Variants in SESN1 observed in about 807,000 individuals in gnomAD.
SESN1 encodes the protein sestrin-1.
In SESN1, 30 loss-of-function variants were observed where a neutral mutation model predicts 59.3. The ratio of observed to expected loss-of-function variants is 0.51; its 90% CI spans 0.38 to 0.69. The LOEUF is 0.69. Ranked by LOEUF, SESN1 falls within the 30% of genes least tolerant of loss-of-function variation. The pLI is 0.00. For synonymous variants in SESN1, 197 were observed against 219.9 expected, an observed-to-expected ratio of 0.90 and a Z score of 0.92; for missense variants, 566 against 673.0, an observed-to-expected ratio of 0.84 and a Z score of 1.76.
At chr6:109,084,092 ATT>A (rs1296829088) in intron 1 of SESN1, among the ~76,000 whole-genome samples, 5 of 152,330 alleles carry the variant, frequency 3.3e-5, no homozygotes, top group Admixed American at 1.3e-4. Context: ...AGGCATATAT[ATT>A]TGTCAGTTTG....
intron 1 of SESN1, among the ~76,000 whole-genome samples, chr6:109,020,966 T>C (rs11755471): frequency 0.1 from 15,522 of 152,228 alleles, 934 homozygotes; most frequent in Middle Eastern, 0.19. Flanking sequence ...TCATTATCAT[T>C]AATAATCTCC....
Position 108,984,746 on chromosome 6 carries a change from G to C in SESN1, c.*2798C>G, listed in dbSNP as rs1779138157. Among the ~76,000 whole-genome samples, 1 of 152,144 alleles carries C rather than the reference G, an allele frequency of 6.6e-6. No homozygotes were observed. The highest frequency in any genetic ancestry group is 2.4e-5 in the African/African-American group (1 of 41,432). On this transcript the variant is annotated 3_prime_UTR_variant, in exon 10 of 10. Transcript: ENST00000436639. ...ATAGAAATACAACTGATTTTTGTGT[G>C]CTGACTTTGTATCCTACAACTTTGC...
At chr6:109,022,198 T>C (rs1642225278) in intron 1 of SESN1, among the ~76,000 whole-genome samples, 1 of 152,138 alleles carries the variant, frequency 6.6e-6, no homozygotes, top group African/African-American at 2.4e-5. Context: ...GAATGAAGAA[T>C]GCCTTAAGCT....
At chr6:108,997,487 A>G (rs927014270) in intron 5 of SESN1, among the ~76,000 whole-genome samples, 1 of 152,174 alleles carries the variant, frequency 6.6e-6, no homozygotes, top group Non-Finnish European at 1.5e-5. Flanking sequence ...CCTTGGGAAA[A>G]TTATTCTTTC....
Position 108,998,686 on chromosome 6 carries a change from G to A in SESN1, c.799C>T (p.His267Tyr). ...ELVHAVVLLT[H>Y]YHSLASFTFG... ...GTGAATGAGGCAAGAGAATGATAGT[G>A]TGTGAGTAAAACTACTGCATGTACC... The change falls in exon 5 of 10, where the codon CAC (histidine) becomes TAC (tyrosine). Residue 267 changes from histidine to tyrosine, a missense_variant. By Grantham distance (83) the His-to-Tyr change is moderately conservative (BLOSUM62 2). Transcript: ENST00000436639. 1 of 1,613,836 alleles carries A rather than the reference G, an allele frequency of 6.2e-7. No homozygotes were observed. Among genetic ancestry groups the A allele is most frequent in the South Asian group, 1.1e-5 (1 of 91,072 alleles).
At chr6:109,036,057 A>C (rs536560894) in intron 1 of SESN1, among the ~76,000 whole-genome samples, 1 of 152,244 alleles carries the variant, frequency 6.6e-6, no homozygotes, top group South Asian at 2.1e-4. Flanking sequence ...TTCTTTTCCA[A>C]TTCTAGGCCC....
chr6:109,007,185 A>C (rs978520966), intron 1 of SESN1, among the ~76,000 whole-genome samples: 1 of 152,222 alleles, frequency 6.6e-6, no homozygotes, highest in East Asian at 1.9e-4. Context: ...TTTCAGAGTG[A>C]AAATTCGTAG....
rs773524051 is a variant in SESN1 at position 109,000,610 on chromosome 6, C to G, written c.610G>C (p.Gly204Arg). ...NLHVNDFLHVGGDPKWLNGLE... is the reference protein window; with the variant it reads ...NLHVNDFLHVRGDPKWLNGLE... ...CCATTGAGCCACTTGGGGTCCCCAC[C>G]AACATGAAGGAAATCATTTACATGC... is the stretch of plus-strand genomic sequence containing the variant. The change falls in exon 4 of 10, where the codon GGT becomes CGT. Residue 204 changes from glycine to arginine, a missense_variant. Physicochemically the swap from Gly to Arg is moderately radical, Grantham distance 125. Transcript: ENST00000436639. 3.7e-6 allele frequency: 6 copies of G among 1,611,932 alleles called. No homozygotes were observed. The highest frequency in any genetic ancestry group is 5.1e-6 in the Non-Finnish European group (6 of 1,178,796).
intron 1 of SESN1, among the ~76,000 whole-genome samples, chr6:109,045,407 T>C (rs193145952): frequency 5.5e-4 from 84 of 152,326 alleles, no homozygotes; most frequent in Non-Finnish European, 1.1e-3. Context: ...TATAATCCTT[T>C]ATAGGTTCCC....
At chr6:109,019,054 G>A (rs1179493283) in intron 1 of SESN1, among the ~76,000 whole-genome samples, 2 of 152,084 alleles carry the variant, frequency 1.3e-5, no homozygotes, top group African/African-American at 4.8e-5. Flanking sequence ...TAATTGATTT[G>A]ATAATGAATT....
At chr6:109,000,206 T>G in intron 4 of SESN1, 2 of 223,118 alleles carry the variant, frequency 9.0e-6, no homozygotes, top group Non-Finnish European at 8.7e-6. Context: ...CTATTCCATA[T>G]GATATTGTAA....
chr6:108,994,697 TC>T lies in SESN1; in HGVS notation c.973-89del, dbSNP rs1241038750. The T allele has an allele frequency of 2.3e-4, 117 of 511,002 alleles. 1 individual carries two copies. The highest frequency in any genetic ancestry group is 3.2e-4 in the Non-Finnish European group (103 of 325,942). 31.7% of individuals were successfully genotyped at this position (511,002 alleles called of 1,614,324 possible). On this transcript the variant is annotated intron_variant, in intron 5 of 9. Transcript: ENST00000436639. ...TAAGTCTGTCTCATAAGAATTTATA[TC>T]TTTTTTTTTTTTTTTTTTTTTTGAG... is the stretch of plus-strand genomic sequence containing the variant.
chr6:109,090,217 A>G (rs1781289091), intron 1 of SESN1, among the ~76,000 whole-genome samples: 1 of 152,238 alleles, frequency 6.6e-6, no homozygotes, highest in Non-Finnish European at 1.5e-5. Flanking sequence ...AGGAAACTGA[A>G]TCAAGGAGAG....
At chr6:108,989,383 TTCTC>T (rs78300930) in intron 8 of SESN1, among the ~76,000 whole-genome samples, 63 of 151,640 alleles carry the variant, frequency 4.2e-4, no homozygotes, top group South Asian at 3.5e-3. Flanking sequence ...TACTAGTACT[TTCTC>T]TCTCTCTATA....
chr6:109,013,628 T>A (rs766876206), intron 1 of SESN1, among the ~76,000 whole-genome samples: 3 of 152,204 alleles, frequency 2.0e-5, no homozygotes, highest in Non-Finnish European at 4.4e-5. Flanking sequence ...GTACTATAGA[T>A]TTGCACATCT....
Position 109,002,310 on chromosome 6 carries a change from G to T in SESN1, c.313C>A (p.Gln105Lys). 1 of 1,613,386 alleles carries T rather than the reference G, an allele frequency of 6.2e-7. No individual in the cohort carries two copies. Among genetic ancestry groups the T allele is most frequent in the Non-Finnish European group, 8.5e-7 (1 of 1,179,446 alleles). ...LGIRIPRPLG[Q>K]GPSRFIPEKE... The stretch of plus-strand genomic sequence containing the variant: ...TCTGGGATGAATCTGCTTGGTCCCT[G>T]TCCTAGTGGTCGAGGAATTCTAATG... The change falls in exon 2 of 10, where the codon CAG (glutamine) becomes AAG (lysine). Residue 105 changes from glutamine to lysine, a missense_variant. Transcript: ENST00000436639.
At chr6:109,052,413 A>G (rs1780555606) in intron 1 of SESN1, among the ~76,000 whole-genome samples, 1 of 152,130 alleles carries the variant, frequency 6.6e-6, no homozygotes, top group Non-Finnish European at 1.5e-5. Context: ...TAATCCTACC[A>G]CTCAAAGAAA....
rs1055528702 is a variant in SESN1, at chr6:109,058,111, G to A, written c.279+35684C>T. ...TAATTAATTAACTTTTTGAGGCAGGGCCTCGCTCTGTTGCCTAGGCTGGAG... is the reference window on the plus strand; with the variant it reads ...TAATTAATTAACTTTTTGAGGCAGGACCTCGCTCTGTTGCCTAGGCTGGAG... On this transcript the variant is annotated intron_variant, in intron 1 of 9. Coordinates refer to ENST00000436639, the MANE Select transcript of SESN1 (RefSeq NM_014454.3). Among the ~76,000 whole-genome samples, 6 of 151,892 alleles carry A rather than the reference G, an allele frequency of 4.0e-5. No individual in the cohort carries two copies. The East Asian group carries it at 5.8e-4, about 15-fold the overall frequency.
intron 1 of SESN1, among the ~76,000 whole-genome samples, chr6:109,051,005 T>A (rs1205104947): frequency 2.0e-5 from 3 of 152,210 alleles, no homozygotes; most frequent in Non-Finnish European, 4.4e-5. Context: ...TGACTTCAAG[T>A]AAGAAGGGCT....
Sources: gnomAD v4.1 joint callset for allele counts (sites outside exome capture counted in the v4.1 genomes callset) on GRCh38, gnomAD v4.1.1 for gene constraint, MANE v1.5 for transcripts, NCBI Gene and HGNC (gene_info 2026-07-23, HGNC 2026-07-21) for gene names.